SOX6: variants seen among roughly 807,000 people sequenced by gnomAD.
SOX6 encodes the protein transcription factor SOX-6.
A neutral mutation model predicts 97.8 loss-of-function variants in SOX6; 11 were observed. The ratio of observed to expected loss-of-function variants is 0.11; its 90% CI spans 0.07 to 0.19. The LOEUF (loss-of-function observed/expected upper bound fraction) is 0.19, where lower values mean the gene tolerates loss of function less well. SOX6 is among the 10% of genes least tolerant of loss of function. The pLI is 1.00. For synonymous variants in SOX6, 360 were observed against 371.4 expected (o/e 0.97, Z 0.35); for missense variants, 810 against 1,039.5 (o/e 0.78, Z 3.04).
chr11:16,372,919 C>A (rs1234241377), intron 1 of SOX6, among the ~76,000 whole-genome samples: 1 of 152,010 alleles, frequency 6.6e-6, no homozygotes, highest in African/African-American at 2.4e-5. Context: ...CATTTTTTGT[C>A]CTTATGCCAT....
intron 4 of SOX6, among the ~76,000 whole-genome samples, chr11:16,483,206 G>C (rs529656984): frequency 6.6e-6 from 1 of 152,186 alleles, no homozygotes; most frequent in South Asian, 2.1e-4. Flanking sequence ...ACAAATAAGA[G>C]GCAATTATAC....
At position 16,377,556 on chromosome 11, in the gene SOX6, A is replaced by C. The variant is rs576963723; in HGVS notation, c.-4-36304T>G. Among the ~76,000 whole-genome samples the C allele has an allele frequency of 2.6e-5, 4 of 152,286 alleles. No homozygotes were observed. The South Asian group carries it at 8.3e-4, about 32-fold the overall frequency. Reference sequence around the variant, plus strand: ...AACAAGTGATTTCACTGTACAAAAAAAGAAAAACAATTTAAGATGGAAAAA... The same window carrying C: ...AACAAGTGATTTCACTGTACAAAAACAGAAAAACAATTTAAGATGGAAAAA... On this transcript the variant is annotated intron_variant, in intron 1 of 15. Transcript: ENST00000396356.
chr11:16,255,359 G>A (rs1853651992), intron 3 of SOX6, among the ~76,000 whole-genome samples: 1 of 151,948 alleles, frequency 6.6e-6, no homozygotes. Context: ...CACATTCTGG[G>A]CTATAAAACA....
At chr11:16,697,488 G>A (rs562705396) in intron 3 of SOX6, among the ~76,000 whole-genome samples, 1 of 152,262 alleles carries the variant, frequency 6.6e-6, no homozygotes, top group African/African-American at 2.4e-5. Flanking sequence ...ACAAAAATTA[G>A]TTAGGCATAG....
intron 4 of SOX6, among the ~76,000 whole-genome samples, chr11:16,579,830 C>T (rs1384338313): frequency 1.3e-5 from 2 of 152,064 alleles, no homozygotes; most frequent in East Asian, 3.8e-4. Context: ...TTTCTGGTCA[C>T]AGAACAGGCA....
At chr11:16,105,004 A>G (rs1327845072) in intron 7 of SOX6, among the ~76,000 whole-genome samples, 2 of 152,030 alleles carry the variant, frequency 1.3e-5, no homozygotes, top group African/African-American at 4.8e-5. Context: ...CTCTTACAAA[A>G]AAAAAATGAA....
At chr11:16,212,260 G>A (rs970380252) in intron 4 of SOX6, among the ~76,000 whole-genome samples, 1 of 152,090 alleles carries the variant, frequency 6.6e-6, no homozygotes, top group African/African-American at 2.4e-5. Context: ...GCAGTCTCCT[G>A]TGCCTCTGAG....
chr11:16,556,768 A>C (rs12791781), intron 4 of SOX6, among the ~76,000 whole-genome samples: 22,604 of 151,696 alleles, frequency 0.15, 1,763 homozygotes, highest in Non-Finnish European at 0.16. Context: ...GCTTTTGCAT[A>C]TAATAAAGAG....
intron 1 of SOX6, among the ~76,000 whole-genome samples, chr11:16,439,893 G>C (rs768635037): frequency 6.6e-6 from 1 of 152,084 alleles, no homozygotes; most frequent in Non-Finnish European, 1.5e-5. Context: ...TCTCTATAAA[G>C]TGTAAACACA....
At chr11:16,638,244 T>C (rs997137004) in intron 3 of SOX6, among the ~76,000 whole-genome samples, 1 of 152,148 alleles carries the variant, frequency 6.6e-6, no homozygotes, top group African/African-American at 2.4e-5. Flanking sequence ...CTCATCATTT[T>C]TTATGGCTGC....
chr11:16,474,049 ACTTT>A (rs1860191950), intron 1 of SOX6, among the ~76,000 whole-genome samples: 1 of 152,200 alleles, frequency 6.6e-6, no homozygotes, highest in Non-Finnish European at 1.5e-5. Context: ...TCAAGAAAGT[ACTTT>A]CTTTGTTCAT....
rs547061337 is a variant in SOX6 at position 16,351,856 on chromosome 11, A to G, written c.-5+4238T>C. On this transcript the variant is annotated intron_variant, in intron 1 of 15. Transcript: ENST00000683767. ...TAATCTTTTAAAAATGTATAATATCATTATATTTTCTAAGTAACCCCAACC... is the reference window on the plus strand; with the variant it reads ...TAATCTTTTAAAAATGTATAATATCGTTATATTTTCTAAGTAACCCCAACC... 2.6e-5 allele frequency among the ~76,000 whole-genome samples: 4 copies of G among 152,242 alleles called. No homozygotes were observed. In the East Asian group the frequency reaches 5.8e-4, roughly 22 times the overall value.
intron 3 of SOX6, among the ~76,000 whole-genome samples, chr11:16,710,712 T>C (rs985555737): frequency 6.6e-5 from 10 of 152,216 alleles, no homozygotes; most frequent in Admixed American, 6.5e-4. Flanking sequence ...ACCTTATCCA[T>C]TCCCATGGAT....
At chr11:16,201,930 GC>G (rs1223218249) in intron 4 of SOX6, among the ~76,000 whole-genome samples, 2 of 135,428 alleles carry the variant, frequency 1.5e-5, no homozygotes, top group Non-Finnish European at 3.0e-5. Flanking sequence ...ACCGCGCCCG[GC>G]CTGCAAAGTA....
At chr11:16,292,763 A>G (rs1293354248) in intron 3 of SOX6, among the ~76,000 whole-genome samples, 1 of 152,204 alleles carries the variant, frequency 6.6e-6, no homozygotes, top group Non-Finnish European at 1.5e-5. Context: ...TAAGAAGTAC[A>G]GCTAATGTCT....
At chr11:16,238,827 G>T (rs930279339) in intron 3 of SOX6, among the ~76,000 whole-genome samples, 4 of 152,060 alleles carry the variant, frequency 2.6e-5, no homozygotes, top group South Asian at 2.1e-4. Flanking sequence ...AAATATTTTA[G>T]TGAGGAGAAC....
At chr11:16,475,541 T>C (rs1446053427) in intron 1 of SOX6, among the ~76,000 whole-genome samples, 1 of 152,140 alleles carries the variant, frequency 6.6e-6, no homozygotes, top group Non-Finnish European at 1.5e-5. Context: ...GGTGGAACAA[T>C]CAGAATACAC....
intron 3 of SOX6, among the ~76,000 whole-genome samples, chr11:16,637,697 G>T (rs544365347): frequency 6.6e-6 from 1 of 152,084 alleles, no homozygotes; most frequent in Non-Finnish European, 1.5e-5. Context: ...TAAGAATGAG[G>T]GTGGGTATTC....
At chr11:15,994,371 T>TA (rs369275335) in intron 13 of SOX6, among the ~76,000 whole-genome samples, 6,475 of 96,024 alleles carry the variant, frequency 0.067, 187 homozygotes, top group Middle Eastern at 0.14. Flanking sequence ...CACAGGGTTA[T>TA]AAAAAAAAAA....
Sources: gnomAD v4.1 joint callset for allele counts (sites outside exome capture counted in the v4.1 genomes callset) on GRCh38, gnomAD v4.1.1 for gene constraint, MANE v1.5 for transcripts, NCBI Gene and HGNC (gene_info 2026-07-23, HGNC 2026-07-21) for gene names.